IMMP2L: variants seen among roughly 807,000 people sequenced by gnomAD.
IMMP2L encodes mitochondrial inner membrane protease subunit 2.
Under a neutral mutation model 19.3 loss-of-function variants are expected in IMMP2L, and 18 were observed. The ratio of observed to expected loss-of-function variants is 0.93; its 90% CI spans 0.64 to 1.38. The LOEUF is 1.38. IMMP2L is among the 40% of genes most tolerant of loss of function. The pLI, the probability that IMMP2L is intolerant of heterozygous loss-of-function variation, is 0.00. For missense variants in IMMP2L, 233 were observed against 218.2 expected, an observed-to-expected ratio of 1.07 and a Z score of -0.43; for synonymous variants, 76 against 73.0, an observed-to-expected ratio of 1.04 and a Z score of -0.21.
At chr7:111,187,774 G>T (rs6979841) in intron 3 of IMMP2L, among the ~76,000 whole-genome samples, 103,948 of 151,886 alleles carry the variant, frequency 0.68, 37,788 homozygotes, top group East Asian at 0.83. Flanking sequence ...ATTTACAGAG[G>T]AAACTGAAGC....
At chr7:111,166,303 T>C (rs1319461221) in intron 3 of IMMP2L, among the ~76,000 whole-genome samples, 1 of 152,032 alleles carries the variant, frequency 6.6e-6, no homozygotes, top group Non-Finnish European at 1.5e-5. Flanking sequence ...CCTTAAACTG[T>C]CTATGAAGTT....
chr7:111,505,764 G>A lies in IMMP2L; in HGVS notation c.135+15549C>T, dbSNP rs545677566. On this transcript the variant is annotated intron_variant, in intron 2 of 5. Coordinates refer to ENST00000405709, the MANE Select transcript of IMMP2L (RefSeq NM_032549.4). ...ATGTTCTCACTCATAGGTGGGAATTGAACAATGAGAACACATGGACACAGG... is the reference window on the plus strand; with the variant it reads ...ATGTTCTCACTCATAGGTGGGAATTAAACAATGAGAACACATGGACACAGG... Among the ~76,000 whole-genome samples the A allele has an allele frequency of 3.2e-3, 479 of 151,400 alleles. 3 individuals are homozygous for A. The highest frequency in any genetic ancestry group is 0.011 in the African/African-American group (463 of 41,288).
chr7:111,203,972 T>C (rs899667790), intron 3 of IMMP2L, among the ~76,000 whole-genome samples: 20 of 152,142 alleles, frequency 1.3e-4, no homozygotes, highest in African/African-American at 1.7e-4. Context: ...TCTCACACTA[T>C]AGAACTGCTG....
intron 5 of IMMP2L, among the ~76,000 whole-genome samples, chr7:110,713,955 A>C (rs1336819311): frequency 6.6e-6 from 1 of 152,184 alleles, no homozygotes; most frequent in East Asian, 1.9e-4. Flanking sequence ...TAGGAATTCC[A>C]GTACAATGTT....
rs890992675 is a variant in IMMP2L at position 111,240,401 on chromosome 7, T to A, written c.239+246837A>T. Among the ~76,000 whole-genome samples the A allele has an allele frequency of 4.6e-5, 7 of 152,080 alleles. No individual in the cohort carries two copies. In the East Asian group the frequency reaches 1.4e-3, roughly 29 times the overall value. On this transcript the variant is annotated intron_variant, in intron 3 of 5. Transcript: ENST00000405709. ...AGAAAAAATAGGCTGTCTTTATTAG[T>A]GTTAGAGATGTTTACAACACAGTCA...
At chr7:111,457,541 C>A (rs1419148526) in intron 3 of IMMP2L, among the ~76,000 whole-genome samples, 1 of 152,150 alleles carries the variant, frequency 6.6e-6, no homozygotes, top group Admixed American at 6.5e-5. Context: ...ATACAAGATA[C>A]TGAAACATTT....
At chr7:110,927,958 T>C (rs1815044008) in intron 4 of IMMP2L, among the ~76,000 whole-genome samples, 11 of 152,096 alleles carry the variant, frequency 7.2e-5, no homozygotes. Context: ...CTCCACTCTG[T>C]TCCTTTTTTC....
chr7:111,241,687 T>C (rs1815062517), intron 3 of IMMP2L, among the ~76,000 whole-genome samples: 1 of 151,242 alleles, frequency 6.6e-6, no homozygotes, highest in African/African-American at 2.4e-5. Flanking sequence ...CTTTTATACA[T>C]AAGTATAAAT....
chr7:111,549,916 G>A (rs1255212632), intron 1 of IMMP2L, among the ~76,000 whole-genome samples: 2 of 150,294 alleles, frequency 1.3e-5, no homozygotes, highest in African/African-American at 4.9e-5. Context: ...ACTCCAGCCT[G>A]GATGACAGAG....
chr7:110,742,789 T>A (rs1049407043), intron 5 of IMMP2L, among the ~76,000 whole-genome samples: 2 of 149,196 alleles, frequency 1.3e-5, no homozygotes, highest in Non-Finnish European at 3.0e-5. Flanking sequence ...AAAAAAAAAA[T>A]TTATACTTTC....
intron 5 of IMMP2L, among the ~76,000 whole-genome samples, chr7:110,755,239 T>C (rs1584731936): frequency 1.3e-5 from 2 of 152,116 alleles, no homozygotes; most frequent in African/African-American, 4.8e-5. Flanking sequence ...TAGTTTTCTT[T>C]CTAAAGCTTT....
intron 3 of IMMP2L, among the ~76,000 whole-genome samples, chr7:111,029,240 T>C (rs1385230446): frequency 6.6e-6 from 1 of 152,106 alleles, no homozygotes; most frequent in Non-Finnish European, 1.5e-5. Context: ...TCATGGGACA[T>C]AGTTCAAGGA....
chr7:111,025,402 A>T (rs1294662436), intron 3 of IMMP2L, among the ~76,000 whole-genome samples: 1 of 152,210 alleles, frequency 6.6e-6, no homozygotes, highest in Non-Finnish European at 1.5e-5. Context: ...TATCAGAATT[A>T]AACAAGCTAT....
chr7:111,462,761 T>G (rs1840253543), intron 3 of IMMP2L, among the ~76,000 whole-genome samples: 1 of 151,816 alleles, frequency 6.6e-6, no homozygotes, highest in South Asian at 2.1e-4. Context: ...TATAGGGCCC[T>G]AGCTCTGCCC....
chr7:110,759,671 G>T (rs1798238286), intron 5 of IMMP2L, among the ~76,000 whole-genome samples: 1 of 152,094 alleles, frequency 6.6e-6, no homozygotes, highest in Non-Finnish European at 1.5e-5. Flanking sequence ...TTGGTAACAT[G>T]TATGTACAGA....
chr7:111,175,405 A>G (rs1302466289), intron 3 of IMMP2L, among the ~76,000 whole-genome samples: 1 of 151,904 alleles, frequency 6.6e-6, no homozygotes, highest in Non-Finnish European at 1.5e-5. Context: ...TAATAATGTA[A>G]TATGGGGGGT....
chr7:111,458,750 A>G (rs1182572170), intron 3 of IMMP2L, among the ~76,000 whole-genome samples: 4 of 152,146 alleles, frequency 2.6e-5, no homozygotes, highest in Non-Finnish European at 4.4e-5. Context: ...CCACAAGATC[A>G]ACTAACATTT....
chr7:110,957,031 T>C (rs1818424218), intron 4 of IMMP2L, among the ~76,000 whole-genome samples: 1 of 152,004 alleles, frequency 6.6e-6, no homozygotes, highest in African/African-American at 2.4e-5. Context: ...ATTAGTAGAA[T>C]CAGCTTATTT....
chr7:110,951,551 G>GTGTGTGTGTGTA (rs1456045091), intron 4 of IMMP2L, among the ~76,000 whole-genome samples: 7 of 151,766 alleles, frequency 4.6e-5, no homozygotes, highest in Non-Finnish European at 7.4e-5. Flanking sequence ...GTGTGTGTGT[G>GTGTGTGTGTGTA]TGTGTGTGTG....
Sources: allele counts gnomAD v4.1 joint callset (sites outside exome capture counted in the v4.1 genomes callset), GRCh38; gene constraint gnomAD v4.1.1; transcripts MANE v1.5; gene names NCBI Gene and HGNC (gene_info 2026-07-23, HGNC 2026-07-21).